UGGT1: variants seen among roughly 807,000 people sequenced by gnomAD.
The protein encoded by UGGT1 is UDP-glucose glycoprotein glucosyltransferase 1.
Under a neutral mutation model 203.9 loss-of-function variants are expected in UGGT1, and 107 were observed. The observed-to-expected ratio is 0.52, with a 90% CI of 0.45 to 0.62. UGGT1 has a LOEUF of 0.62. UGGT1 is among the 20% of genes least tolerant of loss of function. The probability of loss-of-function intolerance (pLI) is 0.00; values close to 1 mark genes in which losing one functional copy is unlikely to be tolerated. For synonymous variants in UGGT1, 628 were observed against 653.5 expected (o/e 0.96, Z 0.59); for missense variants, 1,673 against 1,867.2 (o/e 0.90, Z 1.92).
chr2:128,151,092 C>T (rs10186349), intron 18 of UGGT1: 39,853 of 290,604 alleles, frequency 0.14, 3,186 homozygotes, highest in Non-Finnish European at 0.17. Flanking sequence ...CTCAGGTTAT[C>T]CACCCGCCTC....
rs187520019 is a variant in UGGT1, at chr2:128,122,958, C to G, written c.1074-228C>G. ...TTTTAAGAACTTGGAAACAACTGCA[C>G]CTGTTTTATAATGCTATAGCTGCTA... On this transcript the variant is annotated intron_variant, in intron 10 of 40. Coordinates refer to ENST00000259253, the MANE Select transcript of UGGT1 (RefSeq NM_020120.4). 9.9e-5 allele frequency among the ~76,000 whole-genome samples: 15 copies of G among 152,170 alleles called. No homozygotes were observed. The East Asian group carries it at 1.5e-3, about 16-fold the overall frequency.
At chr2:128,098,585 G>A (rs921491581) in intron 2 of UGGT1, among the ~76,000 whole-genome samples, 1 of 151,970 alleles carries the variant, frequency 6.6e-6, no homozygotes, top group Admixed American at 6.6e-5. Flanking sequence ...GGGAAACCCC[G>A]TCTCTCCAGA....
At chr2:128,112,379 C>T (rs1365455854) in intron 5 of UGGT1, among the ~76,000 whole-genome samples, 1 of 139,194 alleles carries the variant, frequency 7.2e-6, no homozygotes, top group African/African-American at 2.6e-5. Context: ...GAGACCATGT[C>T]ATTGCACTCC....
intron 11 of UGGT1, among the ~76,000 whole-genome samples, chr2:128,125,347 C>T (rs1470884046): frequency 6.6e-6 from 1 of 152,138 alleles, no homozygotes; most frequent in Non-Finnish European, 1.5e-5. Context: ...GGGGTTTTGT[C>T]TTAAAGGGCT....
At chr2:128,103,299 G>A (rs753085926) in intron 2 of UGGT1, among the ~76,000 whole-genome samples, 10 of 152,138 alleles carry the variant, frequency 6.6e-5, no homozygotes, top group African/African-American at 2.4e-4. Context: ...CTTGAATGAA[G>A]GGAAATTTAG....
At chr2:128,170,169 T>C in intron 26 of UGGT1, 119 bp from the exon 27 acceptor site, 1 of 749,656 alleles carries the variant, frequency 1.3e-6, no homozygotes, top group East Asian at 2.7e-5. Context: ...TGTCATAGTC[T>C]AGTCTTTCTA....
intron 7 of UGGT1, among the ~76,000 whole-genome samples, chr2:128,115,630 A>T (rs142874205): frequency 6.6e-6 from 1 of 152,260 alleles, no homozygotes; most frequent in East Asian, 1.9e-4. Flanking sequence ...TCCAACGTGA[A>T]ATCTTAAAGT....
Position 128,173,991 on chromosome 2 carries a change from A to C in UGGT1, c.3453+52A>C, listed in dbSNP as rs1391527322. 4.4e-6 allele frequency: 7 copies of C among 1,586,528 alleles called. No individual in the cohort carries two copies. In the Admixed American group the frequency reaches 1.2e-4, roughly 27 times the overall value. ...ATATTGTAGTTACGTTAATTTGGGC[A>C]CTATAATTTATGATGGAGCAATTAG... is the stretch of plus-strand genomic sequence containing the variant. On this transcript the variant is annotated intron_variant, in intron 30 of 40. Coordinates refer to ENST00000259253, the MANE Select transcript of UGGT1 (RefSeq NM_020120.4).
intron 15 of UGGT1, among the ~76,000 whole-genome samples, chr2:128,138,344 A>G (rs771905895): frequency 6.6e-6 from 1 of 152,166 alleles, no homozygotes; most frequent in Non-Finnish European, 1.5e-5. Context: ...ACATGGTGAA[A>G]CCCCATCTCT....
intron 10 of UGGT1, among the ~76,000 whole-genome samples, chr2:128,122,426 C>G (rs917864271): frequency 6.6e-6 from 1 of 151,580 alleles, no homozygotes; most frequent in Non-Finnish European, 1.5e-5. Context: ...CCCAGTTACT[C>G]GGGAGTCTGA....
chr2:128,168,559 A>G (rs1354090090), intron 26 of UGGT1, among the ~76,000 whole-genome samples: 1 of 152,242 alleles, frequency 6.6e-6, no homozygotes, highest in Non-Finnish European at 1.5e-5. Context: ...TTGTAACCAC[A>G]TTATAGTATT....
At position 128,119,081 on chromosome 2, in the gene UGGT1, A is replaced by G. The variant is rs191878935; in HGVS notation, c.873-1275A>G. ...TTGGAATATTTGCATGATACTTACCAGTTGGGCACCCCAAGTCTGAAAATC... is the reference window on the plus strand; with the variant it reads ...TTGGAATATTTGCATGATACTTACCGGTTGGGCACCCCAAGTCTGAAAATC... On this transcript the variant is annotated intron_variant, in intron 8 of 40. Transcript: ENST00000259253. Among the ~76,000 whole-genome samples, 8 of 152,352 alleles carry G rather than the reference A, an allele frequency of 5.3e-5. No homozygotes were observed. The East Asian group carries it at 1.5e-3, about 29-fold the overall frequency.
chr2:128,145,643 T>C (rs1689651652), intron 17 of UGGT1, 160 bp from the exon 18 acceptor site: 2 of 717,760 alleles, frequency 2.8e-6, no homozygotes, highest in South Asian at 2.9e-5. Context: ...AACTTTGATG[T>C]CATTTTTCAT....
Position 128,178,454 on chromosome 2 carries a change from C to T in UGGT1, c.3714-14C>T. 2 of 1,597,466 alleles carry T rather than the reference C, an allele frequency of 1.3e-6. No individual in the cohort carries two copies. Among genetic ancestry groups the T allele is most frequent in the Non-Finnish European group, 1.7e-6 (2 of 1,172,962 alleles). On this transcript the variant is annotated splice_polypyrimidine_tract_variant and intron_variant, in intron 33 of 40. Transcript: ENST00000259253. ...GTGTTTCAAGTGGTCTTTTTTTTAC[C>T]CTTATTGTTATAGGGGCTTTACAGG...
chr2:128,159,482 A>G, intron 22 of UGGT1, 32 bp from the exon 23 acceptor site: 1 of 1,591,528 alleles, frequency 6.3e-7, no homozygotes, highest in Non-Finnish European at 8.6e-7. Flanking sequence ...AAATATCTAC[A>G]ATATGACTCC....
At chr2:128,183,373 GTTGT>G (rs534070619) in intron 37 of UGGT1, among the ~76,000 whole-genome samples, 100 of 152,320 alleles carry the variant, frequency 6.6e-4, no homozygotes, top group African/African-American at 2.3e-3. Flanking sequence ...TTGAATAATG[GTTGT>G]TTATCAGTTA....
intron 40 of UGGT1, among the ~76,000 whole-genome samples, chr2:128,188,529 A>T (rs1213632603): frequency 6.6e-6 from 1 of 152,226 alleles, no homozygotes; most frequent in East Asian, 1.9e-4. Flanking sequence ...TTTAAGAAAA[A>T]TTTTAAATGT....
In UGGT1 at chr2:128,190,839, C is replaced by T. The variant is rs926041942; in HGVS notation, c.*1097C>T. 2 of 152,420 alleles carry T rather than the reference C, an allele frequency of 1.3e-5. No individual in the cohort carries two copies. The highest frequency in any genetic ancestry group is 2.9e-5 in the Non-Finnish European group (2 of 68,084). The allele number at this position is 152,420 out of a possible 1,614,324, so 9.4% of individuals were successfully genotyped here. A position where few individuals can be genotyped will look rare whatever the true frequency, so the allele number is the denominator to read the frequency against. On this transcript the variant is annotated 3_prime_UTR_variant, in exon 41 of 41. Coordinates refer to ENST00000259253, the MANE Select transcript of UGGT1 (RefSeq NM_020120.4). ...CTTGTGGAACTCGTGGCTTTCTGTC[C>T]TATTTTCCTTTTATGTGAGCCCTGC... is the stretch of plus-strand genomic sequence containing the variant.
intron 2 of UGGT1, among the ~76,000 whole-genome samples, chr2:128,102,435 C>T (rs1288678726): frequency 2.0e-5 from 3 of 152,018 alleles, no homozygotes; most frequent in African/African-American, 7.3e-5. Flanking sequence ...TGAGCCACGG[C>T]GCCTGGCCTG....
Sources: gnomAD v4.1 joint callset for allele counts (sites outside exome capture counted in the v4.1 genomes callset) on GRCh38, gnomAD v4.1.1 for gene constraint, MANE v1.5 for transcripts, NCBI Gene and HGNC (gene_info 2026-07-23, HGNC 2026-07-21) for gene names.